The following GRAMD2B variants were observed in gnomAD, a reference collection of about 807,000 sequenced individuals.
The protein encoded by GRAMD2B is GRAM domain-containing protein 2B.
Under a neutral mutation model 59.2 loss-of-function variants are expected in GRAMD2B, and 41 were observed. The ratio of observed to expected loss-of-function variants is 0.69; its 90% confidence interval spans 0.54 to 0.90. The LOEUF is 0.90. Among genes scored for constraint, GRAMD2B ranks in the 40% least tolerant of loss-of-function variants. The probability of loss-of-function intolerance (pLI) is 0.00; values close to 1 mark genes in which losing one functional copy is unlikely to be tolerated. For synonymous variants in GRAMD2B, 161 were observed against 182.7 expected, an observed-to-expected ratio of 0.88 and a Z score of 0.96; for missense variants, 424 against 500.5, an observed-to-expected ratio of 0.85 and a Z score of 1.46.
At chr5:126,361,848 A>G (rs1754234949) in intron 1 of GRAMD2B, among the ~76,000 whole-genome samples, 1 of 152,164 alleles carries the variant, frequency 6.6e-6, no homozygotes, top group South Asian at 2.1e-4. Flanking sequence ...GGAGTTGGTA[A>G]GCCTCTATAT....
At chr5:126,485,028 T>C (rs1006601861) in intron 10 of GRAMD2B, among the ~76,000 whole-genome samples, 10 of 152,206 alleles carry the variant, frequency 6.6e-5, no homozygotes, top group African/African-American at 2.4e-4. Context: ...CAAAAGTGAA[T>C]AGCCTTCATG....
intron 5 of GRAMD2B, among the ~76,000 whole-genome samples, chr5:126,474,066 A>G (rs181890240): frequency 2.5e-4 from 38 of 152,346 alleles, no homozygotes; most frequent in Admixed American, 2.3e-3. Flanking sequence ...TGGCCTATCA[A>G]AGAAAAGATA....
chr5:126,447,670 A>G (rs113110937), intron 1 of GRAMD2B, among the ~76,000 whole-genome samples: 2 of 127,094 alleles, frequency 1.6e-5, no homozygotes, highest in African/African-American at 6.9e-5. Context: ...TCTCAAAAAA[A>G]GAAAAAAAAA....
chr5:126,446,070 A>G (rs1764168358), intron 1 of GRAMD2B, among the ~76,000 whole-genome samples: 1 of 152,200 alleles, frequency 6.6e-6, no homozygotes, highest in African/African-American at 2.4e-5. Context: ...GTCCACTCCA[A>G]TCCTAAATAC....
chr5:126,436,604 A>T (rs1164877500), intron 1 of GRAMD2B, among the ~76,000 whole-genome samples: 2 of 152,222 alleles, frequency 1.3e-5, no homozygotes, highest in East Asian at 3.8e-4. Flanking sequence ...GTGAGCTCTT[A>T]TCATGCCACT....
intron 1 of GRAMD2B, among the ~76,000 whole-genome samples, chr5:126,410,714 T>A (rs1194857653): frequency 6.6e-6 from 1 of 152,022 alleles, no homozygotes; most frequent in Non-Finnish European, 1.5e-5. Flanking sequence ...ACTAACAGTA[T>A]AACAACTGTT....
intron 1 of GRAMD2B, among the ~76,000 whole-genome samples, chr5:126,460,778 C>T (rs1422273438): frequency 6.6e-6 from 1 of 152,218 alleles, no homozygotes; most frequent in East Asian, 1.9e-4. Flanking sequence ...GTTTTCACTA[C>T]AGTTTCAGGA....
At chr5:126,389,291 T>C (rs924624467) in intron 1 of GRAMD2B, among the ~76,000 whole-genome samples, 2 of 152,226 alleles carry the variant, frequency 1.3e-5, no homozygotes, top group African/African-American at 4.8e-5. Flanking sequence ...TATAAAAGTG[T>C]TACTTGAAAT....
intron 1 of GRAMD2B, among the ~76,000 whole-genome samples, chr5:126,396,101 G>T (rs1195780860): frequency 6.6e-6 from 1 of 152,050 alleles, no homozygotes; most frequent in Non-Finnish European, 1.5e-5. Flanking sequence ...ACAGGTGTTA[G>T]GTAATATCTC....
rs562055201 is a variant in GRAMD2B at position 126,449,766 on chromosome 5, C to T, written c.84-15660C>T. 6.2e-4 allele frequency among the ~76,000 whole-genome samples: 95 copies of T among 152,270 alleles called. 1 individual carries two copies. The highest frequency in any genetic ancestry group is 1.2e-3 in the Non-Finnish European group (84 of 68,032). The stretch of plus-strand genomic sequence containing the variant: ...GCAAAGAGAATTTTCACGTGTGCTG[C>T]TGATGCCCGTGTTGATTCACTTGGT... On this transcript the variant is annotated intron_variant, in intron 1 of 13. Transcript: ENST00000285689.
At chr5:126,412,861 C>T (rs551955559) in intron 1 of GRAMD2B, among the ~76,000 whole-genome samples, 3 of 152,080 alleles carry the variant, frequency 2.0e-5, no homozygotes, top group Non-Finnish European at 2.9e-5. Context: ...TCCAGGAATT[C>T]AGCCATATCC....
In GRAMD2B at chr5:126,494,090, G is replaced by C. The variant is rs769769907; in HGVS notation, c.*1134G>C. 3 of 152,660 alleles carry C rather than the reference G, an allele frequency of 2.0e-5. No individual in the cohort carries two copies. Among genetic ancestry groups the C allele is most frequent in the Admixed American group, 2.0e-4 (3 of 15,286 alleles). 9.5% of individuals were successfully genotyped at this position (152,660 alleles called of 1,614,324 possible). A position where few individuals can be genotyped will look rare whatever the true frequency, so the allele number is the denominator to read the frequency against. ...TTGGTTACATCGTTTGTATCTGTTG[G>C]CCTAGTGGACAGCTGTGCCTGGTGC... On this transcript the variant is annotated 3_prime_UTR_variant, in exon 14 of 14. Coordinates refer to ENST00000285689, the MANE Select transcript of GRAMD2B (RefSeq NM_023927.4).
At position 126,465,564 on chromosome 5, in the gene GRAMD2B, C is replaced by T. The variant is rs1561565910; in HGVS notation, c.203+19C>T. The T allele has an allele frequency of 1.9e-6, 3 of 1,606,772 alleles. No individual in the cohort carries two copies. In the Admixed American group the frequency reaches 5.1e-5, roughly 28 times the overall value. Reference sequence around the variant, plus strand: ...GCCTATGGTAAGTCCTCCGTTGACTCTCTTTGTTCTCTTTTGTCTTTTGGG... The same window carrying T: ...GCCTATGGTAAGTCCTCCGTTGACTTTCTTTGTTCTCTTTTGTCTTTTGGG... On this transcript the variant is annotated intron_variant, in intron 2 of 13. Coordinates refer to ENST00000285689, the MANE Select transcript of GRAMD2B (RefSeq NM_023927.4).
chr5:126,363,077 T>C (rs569171420), intron 1 of GRAMD2B, among the ~76,000 whole-genome samples: 1 of 152,262 alleles, frequency 6.6e-6, no homozygotes, highest in South Asian at 2.1e-4. Context: ...TCATATATTT[T>C]AAGGAACTTG....
At chr5:126,447,195 T>C (rs1183227569) in intron 1 of GRAMD2B, among the ~76,000 whole-genome samples, 1 of 152,188 alleles carries the variant, frequency 6.6e-6, no homozygotes, top group Non-Finnish European at 1.5e-5. Flanking sequence ...CCCTCAGTAC[T>C]TTAGTCTACT....
At chr5:126,410,247 G>C (rs1407629748) in intron 1 of GRAMD2B, among the ~76,000 whole-genome samples, 10 of 151,900 alleles carry the variant, frequency 6.6e-5, no homozygotes, top group Non-Finnish European at 1.0e-4. Flanking sequence ...TAGCTTGATG[G>C]GGATGGCATT....
chr5:126,371,540 C>G (rs1384368891), exon 1 of GRAMD2B: 1 of 1,289,172 alleles, frequency 7.8e-7, no homozygotes, highest in Non-Finnish European at 1.0e-6. Context: ...CGCAGCTCCA[C>G]AGACAGCCCC....
chr5:126,393,401 A>C (rs1034939160), intron 1 of GRAMD2B, among the ~76,000 whole-genome samples: 1 of 152,258 alleles, frequency 6.6e-6, no homozygotes, highest in Non-Finnish European at 1.5e-5. Context: ...TTTAAAAATT[A>C]TCTTCAGAAA....
chr5:126,430,030 T>C (rs1313678238), intron 1 of GRAMD2B, among the ~76,000 whole-genome samples: 1 of 152,202 alleles, frequency 6.6e-6, no homozygotes, highest in South Asian at 2.1e-4. Context: ...AACAGAACTG[T>C]CCTTTAACAC....
Sources: allele counts gnomAD v4.1 joint callset (sites outside exome capture counted in the v4.1 genomes callset), GRCh38; gene constraint gnomAD v4.1.1; transcripts MANE v1.5; gene names NCBI Gene and HGNC (gene_info 2026-07-23, HGNC 2026-07-21).